The following SERINC5 variants were observed in gnomAD, a reference collection of about 807,000 sequenced individuals.
SERINC5 encodes the protein serine incorporator 5, also known as chromosome 5 open reading frame 12.
A neutral mutation model predicts 63.1 loss-of-function variants in SERINC5; 41 were observed. That is an observed-to-expected ratio of 0.65 (90% CI 0.51 to 0.84). The LOEUF is 0.84. SERINC5 is among the 40% of genes least tolerant of loss of function. The probability of loss-of-function intolerance (pLI) is 0.00; values close to 1 mark genes in which losing one functional copy is unlikely to be tolerated. For missense variants in SERINC5, 523 were observed against 573.0 expected (o/e 0.91, Z 0.89); for synonymous variants, 222 against 215.2 (o/e 1.03, Z -0.28).
intron 3 of SERINC5, among the ~76,000 whole-genome samples, 177 bp from the exon 4 acceptor site, chr5:80,177,574 G>C (rs76021563): frequency 6.6e-5 from 10 of 152,324 alleles, no homozygotes; most frequent in African/African-American, 2.4e-4. Flanking sequence ...TAATTAGGCA[G>C]ACTCAGTGCA....
intron 5 of SERINC5, among the ~76,000 whole-genome samples, chr5:80,173,586 ACT>A (rs1416648996): frequency 1.3e-5 from 2 of 151,176 alleles, no homozygotes; most frequent in Non-Finnish European, 3.0e-5. Context: ...ACAGAACGAG[ACT>A]CTGTCTCAAA....
At chr5:80,213,723 T>A (rs1750539005) in intron 1 of SERINC5, among the ~76,000 whole-genome samples, 1 of 152,204 alleles carries the variant, frequency 6.6e-6, no homozygotes, top group South Asian at 2.1e-4. Flanking sequence ...GGATGGCTTC[T>A]TCTAGTGTCT....
rs967132767 is a variant in SERINC5 at position 80,161,018 on chromosome 5, G to GTATA, written c.860-2060_860-2057dup. Among the ~76,000 whole-genome samples, 884 of 143,296 alleles carry GTATA rather than the reference G, an allele frequency of 6.2e-3. 8 individuals are homozygous for GTATA. Among genetic ancestry groups the GTATA allele is most frequent in the African/African-American group, 0.023 (840 of 36,880 alleles). The allele number at this position is 143,296 out of a possible 152,430, so 94.0% of individuals were successfully genotyped here. ...TATATATATACGTGTATATATACGTGTATATATATACACACGTGTATATAT... is the reference window on the plus strand; with the variant it reads ...TATATATATACGTGTATATATACGTGTATATATATATATACACACGTGTATATAT... On this transcript the variant is annotated intron_variant, in intron 7 of 11. Transcript: ENST00000507668.
chr5:80,142,685 G>T lies in SERINC5; in HGVS notation c.*978C>A. The T allele has an allele frequency of 1.0e-6, 1 of 985,394 alleles. No homozygotes were observed. Among genetic ancestry groups the T allele is most frequent in the Non-Finnish European group, 1.2e-6 (1 of 829,934 alleles). 61.0% of individuals were successfully genotyped at this position (985,394 alleles called of 1,614,324 possible). A position where few individuals can be genotyped will look rare whatever the true frequency, so the allele number is the denominator to read the frequency against. The stretch of plus-strand genomic sequence containing the variant: ...GACTTCCGCTTTTACAGTTTCAAAG[G>T]CCTCAAGGTGGAGAAAAAACTGAGG... On this transcript the variant is annotated 3_prime_UTR_variant, in exon 12 of 12. Transcript: ENST00000507668.
In SERINC5 at chr5:80,166,357, A is replaced by G. The variant is rs369347757; in HGVS notation, c.859+26T>C. On this transcript the variant is annotated intron_variant, in intron 7 of 11. Transcript: ENST00000507668. ...GAATGAAAATATTCACACCGCAAAC[A>G]CAAGCCCACTAACAGGCTGGCTTAC... The G allele has an allele frequency of 1.5e-4, 212 of 1,455,054 alleles. No individual in the cohort carries two copies. In the African/African-American group the frequency reaches 2.6e-3, roughly 18 times the overall value. 90.1% of individuals were successfully genotyped at this position (1,455,054 alleles called of 1,614,324 possible).
At chr5:80,137,224 T>C (rs1037119224), downstream of SERINC5, among the ~76,000 whole-genome samples, 5 of 148,874 alleles carry the variant, frequency 3.4e-5, no homozygotes, top group Non-Finnish European at 7.4e-5. Flanking sequence ...ATCCCACTAA[T>C]GGGTATATAC....
chr5:80,195,388 TTAAAAA>T (rs1417753288), intron 2 of SERINC5, among the ~76,000 whole-genome samples: 1 of 152,202 alleles, frequency 6.6e-6, no homozygotes, highest in Non-Finnish European at 1.5e-5. Context: ...TATACAAATT[TTAAAAA>T]TAAATTATAT....
At chr5:80,177,289 A>G in intron 4 of SERINC5, 26 bp downstream of exon 4, 1 of 1,540,498 alleles carries the variant, frequency 6.5e-7, no homozygotes, top group Non-Finnish European at 8.9e-7. Context: ...CAAAATAAAC[A>G]GATACCCAAA....
chr5:80,237,841 C>T (rs1290058552), intron 1 of SERINC5, among the ~76,000 whole-genome samples: 3 of 151,890 alleles, frequency 2.0e-5, no homozygotes, highest in Non-Finnish European at 2.9e-5. Flanking sequence ...CGGTGGCTCA[C>T]GCCTGTAATC....
At chr5:80,232,477 A>G (rs982549832) in intron 1 of SERINC5, among the ~76,000 whole-genome samples, 1 of 150,374 alleles carries the variant, frequency 6.7e-6, no homozygotes, top group Admixed American at 6.7e-5. Flanking sequence ...AAAGTGTGGT[A>G]TATTCCAGTA....
rs1438526714 is a variant in SERINC5 at position 80,143,127 on chromosome 5, A to G, written c.*536T>C. 5 of 985,514 alleles carry G rather than the reference A, an allele frequency of 5.1e-6. No homozygotes were observed. The highest frequency in any genetic ancestry group is 1.7e-5 in the African/African-American group (1 of 57,244). The allele number at this position is 985,514 out of a possible 1,614,324, so 61.0% of individuals were successfully genotyped here. On this transcript the variant is annotated 3_prime_UTR_variant, in exon 12 of 12. Transcript: ENST00000507668. ...CGTGAAGAGGCAGCACTGAGGGTGC[A>G]GTTGAAAAGCAGGTGCCTCCTCTTG...
chr5:80,129,126 T>G (rs955884755), intron 11 of SERINC5: 1 of 152,126 alleles, frequency 6.6e-6, no homozygotes, highest in Admixed American at 6.5e-5. Context: ...ACATGGCTGC[T>G]CCTACTAGAA....
At chr5:80,125,647 T>C (rs925342533) in intron 11 of SERINC5, among the ~76,000 whole-genome samples, 11 of 152,154 alleles carry the variant, frequency 7.2e-5, no homozygotes, top group East Asian at 1.9e-4. Flanking sequence ...ATTTGCATTA[T>C]TGAAAGCTCA....
rs183086843 is a variant in SERINC5 at position 80,199,356 on chromosome 5, T to C, written c.195+3530A>G. ...TGCTAGTACCTACTGTTCAGGTGAG[T>C]ACAGTGCTGATGAAGTAAGAAAATA... On this transcript the variant is annotated intron_variant, in intron 2 of 11. Transcript: ENST00000507668. Among the ~76,000 whole-genome samples, 7 of 152,298 alleles carry C rather than the reference T, an allele frequency of 4.6e-5. No homozygotes were observed. The South Asian group carries it at 8.3e-4, about 18-fold the overall frequency.
chr5:80,151,038 G>A (rs1010150287), intron 8 of SERINC5, 90 bp from the exon 9 acceptor site: 15 of 903,348 alleles, frequency 1.7e-5, no homozygotes, highest in South Asian at 3.9e-5. Flanking sequence ...GTGCTCCGAC[G>A]AGAGCCTCAA....
chr5:80,142,959 G>A lies in SERINC5; in HGVS notation c.*704C>T. The A allele has an allele frequency of 1.0e-6, 1 of 985,384 alleles. No individual in the cohort carries two copies. The highest frequency in any genetic ancestry group is 1.2e-6 in the Non-Finnish European group (1 of 829,912). 61.0% of individuals were successfully genotyped at this position (985,384 alleles called of 1,614,324 possible). On this transcript the variant is annotated 3_prime_UTR_variant, in exon 12 of 12. Transcript: ENST00000507668. ...GATAATAAGGTGGGGAACCACCTGG[G>A]GGGTGATCAGACAAATTGTGCTTTT...
chr5:80,136,471 A>G (rs568692147), downstream of SERINC5, among the ~76,000 whole-genome samples: 6 of 152,310 alleles, frequency 3.9e-5, no homozygotes, highest in African/African-American at 1.4e-4. Context: ...TGGTGCTGGG[A>G]AAACTGGATA....
chr5:80,190,769 T>G (rs1321950667), intron 2 of SERINC5, among the ~76,000 whole-genome samples: 1 of 152,184 alleles, frequency 6.6e-6, no homozygotes, highest in African/African-American at 2.4e-5. Context: ...ACCTATAACC[T>G]CAAGATTTGA....
intron 8 of SERINC5, among the ~76,000 whole-genome samples, chr5:80,154,228 G>A (rs1746372682): frequency 3.3e-5 from 5 of 151,822 alleles, no homozygotes; most frequent in Admixed American, 3.3e-4. Context: ...TGCCCAGGCT[G>A]TAGTGCAATG....
Sources: gnomAD v4.1 joint callset for allele counts (sites outside exome capture counted in the v4.1 genomes callset) on GRCh38, gnomAD v4.1.1 for gene constraint, MANE v1.5 for transcripts, NCBI Gene and HGNC (gene_info 2026-07-23, HGNC 2026-07-21) for gene names.